Variants in NOTCH1 observed in about 807,000 individuals in gnomAD.
NOTCH1 encodes neurogenic locus notch homolog protein 1.
Under a neutral mutation model 254.8 loss-of-function variants are expected in NOTCH1, and 37 were observed. The observed-to-expected ratio is 0.15, with a 90% CI of 0.11 to 0.19. NOTCH1 has a LOEUF of 0.19. NOTCH1 is among the 10% of genes least tolerant of loss of function. The probability of loss-of-function intolerance (pLI) is 1.00; values close to 1 mark genes in which losing one functional copy is unlikely to be tolerated. For synonymous variants in NOTCH1, 1,731 were observed against 1,618.1 expected (o/e 1.07, Z -1.68); for missense variants, 2,972 against 3,708.6 (o/e 0.80, Z 5.16).
At chr9:136,542,213 T>A (rs1843742048) in intron 2 of NOTCH1, among the ~76,000 whole-genome samples, 1 of 152,146 alleles carries the variant, frequency 6.6e-6, no homozygotes, top group African/African-American at 2.4e-5. Flanking sequence ...TACTCCCTGG[T>A]GCCACTGAGA....
At chr9:136,521,558 C>T (rs1378855626) in intron 4 of NOTCH1, among the ~76,000 whole-genome samples, 1 of 152,212 alleles carries the variant, frequency 6.6e-6, no homozygotes, top group African/African-American at 2.4e-5. Flanking sequence ...ACCACGGCCC[C>T]CCAAGAGCTT....
Position 136,506,425 on chromosome 9 carries a change from G to T in NOTCH1, c.4014+102C>A. 1.1e-6 allele frequency: 1 copy of T among 934,238 alleles called. No homozygotes were observed. The allele number at this position is 934,238 out of a possible 1,614,324, so 57.9% of individuals were successfully genotyped here. Reference sequence around the variant, plus strand: ...CATCAGGGTGAGGAGGAGGATGAAGGCCGGGAGGATCACTGCCCGGTCTGC... The same window carrying T: ...CATCAGGGTGAGGAGGAGGATGAAGTCCGGGAGGATCACTGCCCGGTCTGC... On this transcript the variant is annotated intron_variant, in intron 24 of 33. Transcript: ENST00000651671. The surrounding 1 kb of genome is among the most constrained non-coding windows in gnomAD (Gnocchi z 4.5).
At chr9:136,535,859 A>C (rs1252382432) in intron 2 of NOTCH1, among the ~76,000 whole-genome samples, 1 of 49,568 alleles carries the variant, frequency 2.0e-5, no homozygotes, top group Admixed American at 3.2e-4. Flanking sequence ...GATCCCTCCC[A>C]GGGGCAATGG....
At chr9:136,536,717 A>G (rs550974182) in intron 2 of NOTCH1, among the ~76,000 whole-genome samples, 30 of 152,342 alleles carry the variant, frequency 2.0e-4, no homozygotes, top group African/African-American at 6.5e-4. Flanking sequence ...CTTTGCACAC[A>G]GGAGGCCATG....
In NOTCH1 at chr9:136,545,647, G is replaced by A. The variant is rs1843804510; in HGVS notation, c.61+79C>T. 7 of 1,230,452 alleles carry A rather than the reference G, an allele frequency of 5.7e-6. No individual in the cohort carries two copies. Among genetic ancestry groups the A allele is most frequent in the Non-Finnish European group, 6.5e-6 (6 of 917,220 alleles). 76.2% of individuals were successfully genotyped at this position (1,230,452 alleles called of 1,614,324 possible). A position where few individuals can be genotyped will look rare whatever the true frequency, so the allele number is the denominator to read the frequency against. On this transcript the variant is annotated intron_variant, in intron 1 of 33. Coordinates refer to ENST00000651671, the MANE Select transcript of NOTCH1 (RefSeq NM_017617.5). This position sits in a 1 kb window ranked among gnomAD's most constrained non-coding sequence, Gnocchi z 6.8. ...GCCTCCCCGCCGCCCGCTCCCAGCC[G>A]TGGGGCGCGCGCGCCGGGCGCCGCC...
At chr9:136,501,357 C>A (rs1224435363) in intron 30 of NOTCH1, among the ~76,000 whole-genome samples, 1 of 151,784 alleles carries the variant, frequency 6.6e-6, no homozygotes, top group Non-Finnish European at 1.5e-5. Flanking sequence ...TTGCTTGAAC[C>A]CGAGAGGTGG....
At position 136,523,145 on chromosome 9, in the gene NOTCH1, G is replaced by A. The variant is rs1042034779; in HGVS notation, c.447C>T (p.Cys149=). 8.7e-6 allele frequency: 14 copies of A among 1,605,900 alleles called. No homozygotes were observed. Among genetic ancestry groups the A allele is most frequent in the Admixed American group, 1.7e-5 (1 of 59,242 alleles). The change falls in exon 4 of 34, where the codon TGC becomes TGT. Residue 149 remains cysteine (C), a synonymous_variant. Transcript: ENST00000651671. The part of the protein sequence containing the change: ...QQADPCASNP[C]ANGGQCLPFE... ...AGGGCAGGCACTGGCCACCGTTGGC[G>A]CAGGGGTTGGAGGCGCACGGGTCAG...
chr9:136,510,406 G>T, intron 17 of NOTCH1: 1 of 602,666 alleles, frequency 1.7e-6, no homozygotes, highest in Non-Finnish European at 3.0e-6. Context: ...CCTCGGCTCA[G>T]TGAAGAGCCG....
chr9:136,502,599 C>T, intron 27 of NOTCH1, 111 bp from the exon 28 acceptor site: 1 of 615,624 alleles, frequency 1.6e-6, no homozygotes, highest in East Asian at 3.0e-5. Flanking sequence ...CCTCCTCACC[C>T]ACTCTCCTCC....
chr9:136,522,575 A>C, intron 4 of NOTCH1: 3 of 468,850 alleles, frequency 6.4e-6, no homozygotes, highest in South Asian at 3.8e-5. Context: ...CACTGGGGGG[A>C]GGCAGGGCGT....
intron 2 of NOTCH1, among the ~76,000 whole-genome samples, chr9:136,532,342 G>A (rs556125696): frequency 3.9e-5 from 6 of 152,160 alleles, no homozygotes; most frequent in African/African-American, 9.7e-5. Flanking sequence ...AGTGCCTCGC[G>A]GCCTCGCCCA....
chr9:136,508,773 C>A (rs1208233130), intron 19 of NOTCH1, 97 bp downstream of exon 19: 42 of 1,257,752 alleles, frequency 3.3e-5, no homozygotes, highest in Non-Finnish European at 4.5e-5. Flanking sequence ...GACCCCGAGC[C>A]GACACAGTGG....
In NOTCH1 at chr9:136,517,822, G is replaced by A. The variant is rs1463940681; in HGVS notation, c.1371C>T (p.Val457=). The change falls in exon 8 of 34, where the codon GTC becomes GTT. Residue 457 remains valine, a synonymous_variant. Coordinates refer to ENST00000651671, the MANE Select transcript of NOTCH1 (RefSeq NM_017617.5). The part of the protein sequence containing the change: ...PRCEIDVNEC[V]SNPCQNDATC... ...TGGCGTCGTTCTGGCACGGGTTCGAGACGCACTCGTTGACGTCGATCTCGC... is the reference window on the plus strand; with the variant it reads ...TGGCGTCGTTCTGGCACGGGTTCGAAACGCACTCGTTGACGTCGATCTCGC... 6 of 1,612,730 alleles carry A rather than the reference G, an allele frequency of 3.7e-6. No homozygotes were observed. The highest frequency in any genetic ancestry group is 4.2e-6 in the Non-Finnish European group (5 of 1,179,942).
intron 2 of NOTCH1, among the ~76,000 whole-genome samples, chr9:136,528,184 G>C (rs1843498811): frequency 6.7e-6 from 1 of 149,668 alleles, no homozygotes; most frequent in African/African-American, 2.5e-5. Context: ...AGGAGTTTAT[G>C]GTCATGCAGG....
At chr9:136,526,676 C>T (rs1843465419) in intron 2 of NOTCH1, among the ~76,000 whole-genome samples, 1 of 152,214 alleles carries the variant, frequency 6.6e-6, no homozygotes, top group Middle Eastern at 3.2e-3. Flanking sequence ...GACACCGGGC[C>T]CCACTCCCCA....
chr9:136,519,361 C>G, intron 5 of NOTCH1, 82 bp downstream of exon 5: 4 of 1,582,526 alleles, frequency 2.5e-6, no homozygotes, highest in Non-Finnish European at 3.4e-6. Flanking sequence ...GGCTGCTCCC[C>G]GCTATGCCTG....
Position 136,496,212 on chromosome 9 carries a change from G to A in NOTCH1, c.7527C>T (p.Phe2509=), listed in dbSNP as rs752231663. Residue 2509 remains phenylalanine (F), a synonymous_variant, in exon 34 of 34, where the codon TTC becomes TTT. Coordinates refer to ENST00000651671, the MANE Select transcript of NOTCH1 (RefSeq NM_017617.5). The part of the protein sequence containing the change: ...SHQLQVPEHP[F]LTPSPESPDQ... ...CAGGGGACTCAGGGGACGGGGTGAG[G>A]AAGGGGTGCTCAGGCACCTGTAGCT... The A allele has an allele frequency of 1.9e-6, 3 of 1,609,206 alleles. No homozygotes were observed. Among genetic ancestry groups the A allele is most frequent in the Non-Finnish European group, 2.5e-6 (3 of 1,178,318 alleles).
At chr9:136,507,254 C>T in intron 22 of NOTCH1, 51 bp downstream of exon 22, 1 of 1,612,342 alleles carries the variant, frequency 6.2e-7, no homozygotes, top group Non-Finnish European at 8.5e-7. Context: ...TGCCCTGCCC[C>T]TGCCCTGGCC....
chr9:136,526,081 C>G (rs1428600648), intron 2 of NOTCH1, among the ~76,000 whole-genome samples: 2 of 152,250 alleles, frequency 1.3e-5, no homozygotes, highest in African/African-American at 4.8e-5. Flanking sequence ...CCTCCTCCAT[C>G]CCATGTGGCC....
Sources: allele counts gnomAD v4.1 joint callset (sites outside exome capture counted in the v4.1 genomes callset), GRCh38; gene constraint gnomAD v4.1.1; non-coding constraint Gnocchi (gnomAD v3.1); transcripts MANE v1.5; gene names NCBI Gene and HGNC (gene_info 2026-07-23, HGNC 2026-07-21).